Variants in KAT6B observed in about 807,000 individuals in gnomAD.
The protein encoded by KAT6B is lysine acetyltransferase 6B.
KAT6B carries 10 observed loss-of-function variants against 187.5 expected under a neutral mutation model. The ratio of observed to expected loss-of-function variants is 0.05; its 90% CI spans 0.03 to 0.09. The LOEUF is 0.09. Ranked by LOEUF, KAT6B falls within the 10% of genes least tolerant of loss-of-function variation. The pLI is 1.00. For synonymous variants in KAT6B, 861 were observed against 926.8 expected, an observed-to-expected ratio of 0.93 and a Z score of 1.29; for missense variants, 1,952 against 2,558.9, an observed-to-expected ratio of 0.76 and a Z score of 5.12.
intron 13 of KAT6B, among the ~76,000 whole-genome samples, chr10:74,993,543 T>C (rs1275126510): frequency 6.6e-6 from 1 of 152,238 alleles, no homozygotes; most frequent in Non-Finnish European, 1.5e-5. Flanking sequence ...AAAATCAAGA[T>C]ATTAAAGTAA....
At chr10:74,943,738 A>G (rs1036404192) in intron 3 of KAT6B, among the ~76,000 whole-genome samples, 1 of 152,208 alleles carries the variant, frequency 6.6e-6, no homozygotes, top group Non-Finnish European at 1.5e-5. Context: ...GGATAGATAA[A>G]AATTTCTTAG....
At chr10:75,019,108 C>T (rs151331296) in intron 13 of KAT6B, among the ~76,000 whole-genome samples, 2 of 152,328 alleles carry the variant, frequency 1.3e-5, no homozygotes, top group African/African-American at 4.8e-5. Context: ...GCATTCCTGA[C>T]ACACTGCTAT....
At chr10:74,826,889 C>T (rs908862452) in intron 1 of KAT6B, 104 bp downstream of exon 1, 1 of 151,296 alleles carries the variant, frequency 6.6e-6, no homozygotes, top group African/African-American at 2.4e-5. Flanking sequence ...CCACAGGCCT[C>T]TGCGCGAGGG....
intron 4 of KAT6B, among the ~76,000 whole-genome samples, chr10:74,968,396 T>A (rs889523967): frequency 6.6e-6 from 1 of 152,084 alleles, no homozygotes; most frequent in Non-Finnish European, 1.5e-5. Context: ...TTTTTTTTTT[T>A]AACTCAGGAA....
At chr10:74,932,764 T>A (rs1332675888) in intron 3 of KAT6B, among the ~76,000 whole-genome samples, 1 of 152,126 alleles carries the variant, frequency 6.6e-6, no homozygotes, top group African/African-American at 2.4e-5. Context: ...AGCTCTCACA[T>A]CTCATTGCTG....
At chr10:74,875,379 T>C (rs1589525583) in intron 3 of KAT6B, among the ~76,000 whole-genome samples, 2 of 152,194 alleles carry the variant, frequency 1.3e-5, no homozygotes, top group African/African-American at 2.4e-5. Flanking sequence ...AAAGCAATCT[T>C]GAATAGTGAG....
At chr10:75,026,495 C>A (rs1277220346) in intron 17 of KAT6B, among the ~76,000 whole-genome samples, 1 of 152,170 alleles carries the variant, frequency 6.6e-6, no homozygotes, top group Admixed American at 6.5e-5. Context: ...TTTGAAAAGC[C>A]ACAGTTTTAA....
chr10:74,898,011 A>G (rs1241337769), intron 3 of KAT6B, among the ~76,000 whole-genome samples: 23 of 152,212 alleles, frequency 1.5e-4, no homozygotes, highest in Admixed American at 1.5e-3. Context: ...TTTGTTCAGC[A>G]AAACACCATA....
In KAT6B at chr10:74,985,145, C is replaced by T; in HGVS notation, c.2439C>T (p.Asp813=). ...GCTTGTTAGCCAAGCTCTTCCTGGACCACAAAACGTTGTATTATGATGTCG... is the reference window on the plus strand; with the variant it reads ...GCTTGTTAGCCAAGCTCTTCCTGGATCACAAAACGTTGTATTATGATGTCG... ...NLCLLAKLFL[D]HKTLYYDVEP... The change falls in exon 12 of 18, where the codon GAC becomes GAT. Residue 813 remains aspartate (D), a synonymous_variant. Transcript: ENST00000287239. 1.9e-6 allele frequency: 3 copies of T among 1,614,082 alleles called. No individual in the cohort carries two copies. Among genetic ancestry groups the T allele is most frequent in the South Asian group, 1.1e-5 (1 of 91,082 alleles).
chr10:75,003,357 T>G (rs1843987998), intron 13 of KAT6B, among the ~76,000 whole-genome samples: 1 of 152,258 alleles, frequency 6.6e-6, no homozygotes, highest in Admixed American at 6.5e-5. Context: ...AGCTTCTCTT[T>G]GCTTAGCCTT....
intron 3 of KAT6B, among the ~76,000 whole-genome samples, chr10:74,875,575 C>G (rs995982906): frequency 1.3e-5 from 2 of 151,572 alleles, no homozygotes; most frequent in Non-Finnish European, 2.9e-5. Context: ...ACGAGATTCT[C>G]CTGCCTCAGC....
At position 75,024,045 on chromosome 10, in the gene KAT6B, C is replaced by T. The variant is rs1231328428; in HGVS notation, c.3373-913C>T. On this transcript the variant is annotated intron_variant, in intron 16 of 17. Coordinates refer to ENST00000287239, the MANE Select transcript of KAT6B (RefSeq NM_012330.4). Reference sequence around the variant, plus strand: ...TGTCATTAAAAACTTTTTTGCTGGGCGAAAAACATTTTATAATTACAATTA... The same window carrying T: ...TGTCATTAAAAACTTTTTTGCTGGGTGAAAAACATTTTATAATTACAATTA... The T allele has an allele frequency of 3.3e-5, 5 of 151,874 alleles. No individual in the cohort carries two copies. The East Asian group carries it at 7.7e-4, about 23-fold the overall frequency. 9.4% of individuals were successfully genotyped at this position (151,874 alleles called of 1,614,324 possible).
At position 74,921,859 on chromosome 10, in the gene KAT6B, T is replaced by C. The variant is rs2133066009; in HGVS notation, c.622-38111T>C. The stretch of plus-strand genomic sequence containing the variant: ...TCAGTTGCTTAGAGCAAGGTGTTAA[T>C]GAGACATCGGTCATAGGTCCAGGCT... On this transcript the variant is annotated intron_variant, in intron 3 of 17. Transcript: ENST00000287239. 2.6e-5 allele frequency among the ~76,000 whole-genome samples: 4 copies of C among 152,358 alleles called. No homozygotes were observed. In the East Asian group the frequency reaches 7.7e-4, roughly 29 times the overall value.
intron 3 of KAT6B, among the ~76,000 whole-genome samples, chr10:74,914,696 C>G (rs1847527479): frequency 6.6e-6 from 1 of 152,186 alleles, no homozygotes; most frequent in African/African-American, 2.4e-5. Context: ...CCAGTTTCCC[C>G]TCAGTGCAAA....
chr10:74,890,511 C>T (rs1193610786), intron 3 of KAT6B, among the ~76,000 whole-genome samples: 6 of 152,092 alleles, frequency 3.9e-5, no homozygotes, highest in Admixed American at 1.3e-4. Context: ...CACTGCACTC[C>T]AGCCTGAGTG....
chr10:74,952,556 GA>G (rs1337261435), intron 3 of KAT6B, among the ~76,000 whole-genome samples: 1 of 152,300 alleles, frequency 6.6e-6, no homozygotes, highest in East Asian at 1.9e-4. Context: ...TGACCTTAGA[GA>G]GGTGGCCTTG....
Position 75,022,000 on chromosome 10 carries a change from T to C in KAT6B, c.3141T>C (p.His1047=), listed in dbSNP as rs746705705. The C allele has an allele frequency of 4.3e-6, 7 of 1,613,932 alleles. No individual in the cohort carries two copies. The highest frequency in any genetic ancestry group is 5.9e-6 in the Non-Finnish European group (7 of 1,180,016). The stretch of plus-strand genomic sequence containing the variant: ...TACAATCGAAAAATAAATATTTGCA[T>C]TCCCCGGAGAGCCGGCCAGTCACAG... The part of the protein sequence containing the change: ...AKVQSKNKYL[H]SPESRPVTGE... Residue 1047 remains histidine, a synonymous_variant, in exon 16 of 18, where the codon CAT becomes CAC. Transcript: ENST00000287239.
At chr10:74,959,532 G>A (rs12245151) in intron 3 of KAT6B, among the ~76,000 whole-genome samples, 3,850 of 152,224 alleles carry the variant, frequency 0.025, 172 homozygotes, top group African/African-American at 0.088. Flanking sequence ...TAATTTAAGA[G>A]ATTTATCCCA....
rs1412253001 is a variant in KAT6B at position 75,021,148 on chromosome 10, A to G, written c.2884A>G (p.Lys962Glu). 1.1e-5 allele frequency: 18 copies of G among 1,613,996 alleles called. No individual in the cohort carries two copies. Among genetic ancestry groups the G allele is most frequent in the Admixed American group, 1.7e-5 (1 of 60,008 alleles). Residue 962 changes from lysine to glutamate, a missense_variant, in exon 15 of 18, where the codon AAG becomes GAG. By Grantham distance (56) the Lys-to-Glu change is moderately conservative. This residue lies in a region of KAT6B where 758 missense variants were observed against 891.4 expected (regional missense o/e 0.85). Transcript: ENST00000287239. ...DGRFVIIRREKLILSHMEKLK... is the reference protein window; with the variant it reads ...DGRFVIIRREELILSHMEKLK... Reference sequence around the variant, plus strand: ...CAGATTTGTCATCATTAGACGGGAAAAGTTGATATTGAGCCACATGGAAAA... The same window carrying G: ...CAGATTTGTCATCATTAGACGGGAAGAGTTGATATTGAGCCACATGGAAAA...
Sources: allele counts gnomAD v4.1 joint callset (sites outside exome capture counted in the v4.1 genomes callset), GRCh38; gene constraint gnomAD v4.1.1; regional missense constraint gnomAD v4.1.1; transcripts MANE v1.5; gene names NCBI Gene and HGNC (gene_info 2026-07-23, HGNC 2026-07-21).